CAMTA1: variants seen among roughly 807,000 people sequenced by gnomAD.
CAMTA1 encodes calmodulin binding transcription activator 1.
CAMTA1 carries 27 observed loss-of-function variants against 170.9 expected under a neutral mutation model. The observed-to-expected ratio is 0.16, with a 90% CI of 0.12 to 0.22. CAMTA1 has a LOEUF of 0.22. CAMTA1 is among the 10% of genes least tolerant of loss of function. CAMTA1 has a pLI of 1.00. For missense variants in CAMTA1, 1,619 were observed against 2,217.2 expected (o/e 0.73, Z 5.42); for synonymous variants, 833 against 891.5 (o/e 0.93, Z 1.17).
At chr1:7,548,313 G>T (rs1038643516) in intron 6 of CAMTA1, among the ~76,000 whole-genome samples, 7 of 152,174 alleles carry the variant, frequency 4.6e-5, no homozygotes, top group Non-Finnish European at 1.0e-4. Flanking sequence ...TGTAGACTGT[G>T]GGAGGGTCTG....
At chr1:6,831,046 C>T (rs1249895500) in intron 3 of CAMTA1, among the ~76,000 whole-genome samples, 1 of 151,628 alleles carries the variant, frequency 6.6e-6, no homozygotes, top group African/African-American at 2.4e-5. Flanking sequence ...TCTCGATCTC[C>T]TGACCTCATG....
At position 7,665,794 on chromosome 1, in the gene CAMTA1, C is replaced by T. The variant is rs182727654; in HGVS notation, c.2652+595C>T. 1.3e-3 allele frequency among the ~76,000 whole-genome samples: 205 copies of T among 152,098 alleles called. 2 individuals are homozygous for T. The highest frequency in any genetic ancestry group is 2.2e-3 in the Admixed American group (34 of 15,298). On this transcript the variant is annotated intron_variant, in intron 9 of 22. Coordinates refer to ENST00000303635, the MANE Select transcript of CAMTA1 (RefSeq NM_015215.4). The surrounding 1 kb of genome is among the most constrained non-coding windows in gnomAD (Gnocchi z 4.3). ...CCAGCCAGAGTCGTCTGCCGTTTCT[C>T]AATTTATGTGTTGAGTCCATCTATG... is the stretch of plus-strand genomic sequence containing the variant.
chr1:6,912,650 C>T (rs944736195), intron 3 of CAMTA1, among the ~76,000 whole-genome samples: 6 of 152,238 alleles, frequency 3.9e-5, no homozygotes, highest in Non-Finnish European at 8.8e-5. Flanking sequence ...GGTCGGCCCT[C>T]CCAGCAGCCT....
rs1227952390 is a variant in CAMTA1 at position 7,685,341 on chromosome 1, G to C, written c.2914+7608G>C. On this transcript the variant is annotated intron_variant, in intron 11 of 22. Transcript: ENST00000303635. The surrounding 1 kb of genome is among the most constrained non-coding windows in gnomAD (Gnocchi z 5.7). Reference sequence around the variant, plus strand: ...ATGCCCTCCTGTTGGAATGCTCAGGGACGGCCATGGGGCAGCAGGATAGGG... The same window carrying C: ...ATGCCCTCCTGTTGGAATGCTCAGGCACGGCCATGGGGCAGCAGGATAGGG... Among the ~76,000 whole-genome samples the C allele has an allele frequency of 1.3e-5, 2 of 152,194 alleles. No homozygotes were observed. Among genetic ancestry groups the C allele is most frequent in the Non-Finnish European group, 2.9e-5 (2 of 68,030 alleles).
At chr1:6,825,859 T>A (rs1647041964) in intron 3 of CAMTA1, among the ~76,000 whole-genome samples, 1 of 152,236 alleles carries the variant, frequency 6.6e-6, no homozygotes, top group Non-Finnish European at 1.5e-5. Context: ...TGCTTTGTCA[T>A]CTTTTTTATT....
At chr1:6,827,446 A>G (rs1425190077) in intron 3 of CAMTA1, among the ~76,000 whole-genome samples, 5 of 152,094 alleles carry the variant, frequency 3.3e-5, no homozygotes, top group Admixed American at 3.3e-4. Flanking sequence ...TTGGCTTTGG[A>G]AAAATAGAGG....
chr1:7,011,377 A>G (rs982919258), intron 3 of CAMTA1, among the ~76,000 whole-genome samples: 8 of 152,010 alleles, frequency 5.3e-5, no homozygotes, highest in Non-Finnish European at 7.4e-5. Flanking sequence ...AACCCTTCCA[A>G]TGCTCCTCAG....
intron 5 of CAMTA1, among the ~76,000 whole-genome samples, chr1:7,346,289 C>T (rs1411094370): frequency 6.6e-6 from 1 of 152,156 alleles, no homozygotes; most frequent in Non-Finnish European, 1.5e-5. Context: ...CTCTCTGATC[C>T]TCAGGTTACT....
chr1:7,466,106 A>C (rs2093204869), intron 5 of CAMTA1, among the ~76,000 whole-genome samples: 1 of 152,220 alleles, frequency 6.6e-6, no homozygotes, highest in African/African-American at 2.4e-5. Context: ...GGAGATGGTG[A>C]ATGTCACAGG....
At chr1:7,236,293 G>A (rs1479099536) in intron 4 of CAMTA1, among the ~76,000 whole-genome samples, 5 of 152,212 alleles carry the variant, frequency 3.3e-5, no homozygotes, top group East Asian at 1.9e-4. Flanking sequence ...GGGTTTGTGC[G>A]AGGGAGAGAT....
intron 6 of CAMTA1, among the ~76,000 whole-genome samples, chr1:7,601,455 G>T: frequency 6.6e-6 from 1 of 151,970 alleles, no homozygotes; most frequent in East Asian, 2.0e-4. Context: ...TCACTTTCCA[G>T]ACTGGGCAGC....
chr1:7,286,708 A>C lies in CAMTA1; in HGVS notation c.438+37082A>C, dbSNP rs1296543608. Among the ~76,000 whole-genome samples, 1 of 152,216 alleles carries C rather than the reference A, an allele frequency of 6.6e-6. No individual in the cohort carries two copies. The highest frequency in any genetic ancestry group is 1.9e-4 in the East Asian group (1 of 5,200). ...TTGTAAAGGGTCTTAAATGACCCCA[A>C]ATATCCCTGCCTAACAGTCAACAAG... On this transcript the variant is annotated intron_variant, in intron 5 of 22. Transcript: ENST00000303635. The surrounding 1 kb of genome is among the most constrained non-coding windows in gnomAD (Gnocchi z 4.2).
intron 5 of CAMTA1, among the ~76,000 whole-genome samples, chr1:7,358,994 C>G (rs1411108826): frequency 2.0e-5 from 3 of 152,040 alleles, no homozygotes; most frequent in Non-Finnish European, 4.4e-5. Context: ...CCTTCAGCAG[C>G]CCATGTGGCA....
intron 6 of CAMTA1, among the ~76,000 whole-genome samples, chr1:7,502,937 C>T (rs1185752096): frequency 6.6e-6 from 1 of 152,152 alleles, no homozygotes; most frequent in Non-Finnish European, 1.5e-5. Context: ...CATGGCTCAC[C>T]CTGGGCACAG....
intron 6 of CAMTA1, among the ~76,000 whole-genome samples, chr1:7,492,746 C>T (rs1256735034): frequency 4.8e-5 from 7 of 146,936 alleles, no homozygotes; most frequent in Admixed American, 6.8e-5. Flanking sequence ...CACACACGCG[C>T]GCACACACAC....
intron 6 of CAMTA1, among the ~76,000 whole-genome samples, chr1:7,625,130 G>C (rs2095624582): frequency 6.6e-6 from 1 of 152,172 alleles, no homozygotes; most frequent in African/African-American, 2.4e-5. Context: ...GGGGAGCCAG[G>C]AAAGGTTAGC....
chr1:7,559,664 C>T (rs1576052744), intron 6 of CAMTA1, among the ~76,000 whole-genome samples: 1 of 152,070 alleles, frequency 6.6e-6, no homozygotes, highest in Admixed American at 6.5e-5. Context: ...TCTGAGCCTG[C>T]GCCTGTCACA....
At chr1:7,306,768 C>T (rs764353394) in intron 5 of CAMTA1, among the ~76,000 whole-genome samples, 10 of 151,508 alleles carry the variant, frequency 6.6e-5, no homozygotes, top group South Asian at 2.1e-4. Flanking sequence ...AATATGTGAC[C>T]GCAGTACAAT....
At chr1:6,820,714 G>A (rs866822377) in intron 2 of CAMTA1, among the ~76,000 whole-genome samples, 9 of 152,258 alleles carry the variant, frequency 5.9e-5, no homozygotes, top group Middle Eastern at 3.4e-3. Context: ...GTGTTTTATC[G>A]TGAGGATTAA....
Sources: gnomAD v4.1 joint callset for allele counts (sites outside exome capture counted in the v4.1 genomes callset) on GRCh38, gnomAD v4.1.1 for gene constraint, Gnocchi (gnomAD v3.1) non-coding constraint, MANE v1.5 for transcripts, NCBI Gene and HGNC (gene_info 2026-07-23, HGNC 2026-07-21) for gene names.